The following COL19A1 variants were observed in gnomAD, a reference collection of about 807,000 sequenced individuals.
COL19A1 encodes collagen type XIX alpha 1 chain.
Under a neutral mutation model 190.2 loss-of-function variants are expected in COL19A1, and 159 were observed. That is an observed-to-expected ratio of 0.84 (90% CI 0.73 to 0.95). The LOEUF (loss-of-function observed/expected upper bound fraction) is 0.95. COL19A1 is among the 40% of genes least tolerant of loss of function. COL19A1 has a pLI of 0.00. For synonymous variants in COL19A1, 509 were observed against 458.9 expected (o/e 1.11, Z -1.39); for missense variants, 1,418 against 1,431.9 (o/e 0.99, Z 0.16).
intron 1 of COL19A1, among the ~76,000 whole-genome samples, chr6:69,871,217 A>G (rs755686632): frequency 9.2e-5 from 14 of 152,170 alleles, no homozygotes; most frequent in Non-Finnish European, 1.8e-4. Context: ...GGTTTTCTCT[A>G]ATAGTTTACA....
At chr6:70,010,583 C>G (rs1777937433) in intron 11 of COL19A1, among the ~76,000 whole-genome samples, 1 of 141,318 alleles carries the variant, frequency 7.1e-6, no homozygotes, top group African/African-American at 2.9e-5. Flanking sequence ...CTTTCCGAGT[C>G]AAAGAAAGGG....
At chr6:70,079,014 C>A (rs1413763542) in intron 15 of COL19A1, among the ~76,000 whole-genome samples, 1 of 152,116 alleles carries the variant, frequency 6.6e-6, no homozygotes, top group Non-Finnish European at 1.5e-5. Context: ...CTTCAGTGAG[C>A]CGAGCTCACA....
chr6:69,961,533 G>T (rs1365247077), intron 10 of COL19A1, among the ~76,000 whole-genome samples: 3 of 152,188 alleles, frequency 2.0e-5, no homozygotes, highest in African/African-American at 7.2e-5. Flanking sequence ...CAGCTTCAAT[G>T]TCAGCTTGAA....
chr6:70,192,166 T>C (rs1460181892), intron 48 of COL19A1, among the ~76,000 whole-genome samples: 1 of 152,154 alleles, frequency 6.6e-6, no homozygotes, highest in Non-Finnish European at 1.5e-5. Flanking sequence ...GTTCAAGCGA[T>C]TCTCCTGCCT....
At chr6:70,192,833 A>G (rs1275044095) in intron 48 of COL19A1, among the ~76,000 whole-genome samples, 5 of 152,188 alleles carry the variant, frequency 3.3e-5, no homozygotes, top group East Asian at 1.9e-4. Context: ...AGAATCTCAG[A>G]TAGTATCCAT....
chr6:69,878,700 T>C (rs1474450446), intron 1 of COL19A1, among the ~76,000 whole-genome samples: 1 of 152,194 alleles, frequency 6.6e-6, no homozygotes, highest in African/African-American at 2.4e-5. Context: ...TTACTTCTGA[T>C]TCTATATACC....
At chr6:69,924,805 G>C (rs901626526) in intron 4 of COL19A1, among the ~76,000 whole-genome samples, 6 of 152,138 alleles carry the variant, frequency 3.9e-5, no homozygotes, top group African/African-American at 1.4e-4. Flanking sequence ...GTATCTCATT[G>C]TGGTTTTGAT....
chr6:69,927,541 G>A (rs1421649735), intron 4 of COL19A1, among the ~76,000 whole-genome samples: 1 of 152,116 alleles, frequency 6.6e-6, no homozygotes, highest in Non-Finnish European at 1.5e-5. Context: ...CTTATTACTG[G>A]TGTTCTTTAA....
chr6:70,176,630 G>C lies in COL19A1; in HGVS notation c.2667+66G>C, dbSNP rs572390346. 74 of 1,529,926 alleles carry C rather than the reference G, an allele frequency of 4.8e-5. No homozygotes were observed. The African/African-American group carries it at 8.1e-4, about 17-fold the overall frequency. 94.8% of individuals were successfully genotyped at this position (1,529,926 alleles called of 1,614,324 possible). A position where few individuals can be genotyped will look rare whatever the true frequency, so the allele number is the denominator to read the frequency against. On this transcript the variant is annotated intron_variant, in intron 42 of 50. Transcript: ENST00000620364. Reference sequence around the variant, plus strand: ...GTTCTATCTCCATGATACACCTGTGGCCAGGGATCAAGACAGGCAGGAGAG... The same window carrying C: ...GTTCTATCTCCATGATACACCTGTGCCCAGGGATCAAGACAGGCAGGAGAG...
intron 11 of COL19A1, chr6:69,973,882 A>G (rs149661391): frequency 1.8e-4 from 28 of 152,332 alleles, no homozygotes; most frequent in African/African-American, 6.5e-4. Flanking sequence ...ATGTAAAAGC[A>G]ATTCACTGTA....
intron 4 of COL19A1, among the ~76,000 whole-genome samples, chr6:69,919,780 G>A (rs1047148931): frequency 9.9e-5 from 15 of 151,986 alleles, no homozygotes; most frequent in Non-Finnish European, 8.8e-5. Flanking sequence ...TATTGTCATA[G>A]GTATGTTTTT....
At chr6:70,004,633 T>C (rs748487333) in intron 11 of COL19A1, among the ~76,000 whole-genome samples, 2 of 152,164 alleles carry the variant, frequency 1.3e-5, no homozygotes, top group Non-Finnish European at 2.9e-5. Context: ...GTCTTCAAAC[T>C]CTGAAATCCT....
chr6:70,035,131 G>T (rs192385443), intron 13 of COL19A1, among the ~76,000 whole-genome samples: 1 of 152,160 alleles, frequency 6.6e-6, no homozygotes, highest in Non-Finnish European at 1.5e-5. Context: ...GGTACCCCAC[G>T]CTATACAGTA....
In COL19A1 at chr6:70,143,425, G is replaced by T. The variant is rs141541556; in HGVS notation, c.1626+605G>T. 2.0e-3 allele frequency among the ~76,000 whole-genome samples: 299 copies of T among 152,184 alleles called. 1 individual carries two copies. Among genetic ancestry groups the T allele is most frequent in the African/African-American group, 5.1e-3 (211 of 41,540 alleles). On this transcript the variant is annotated intron_variant, in intron 23 of 50. Coordinates refer to ENST00000620364, the MANE Select transcript of COL19A1 (RefSeq NM_001858.6). ...CCTTCTGACAACTTGGGAGCTGCGAGCTCTCCATCAGTTCACACTTGAGCA... is the reference window on the plus strand; with the variant it reads ...CCTTCTGACAACTTGGGAGCTGCGATCTCTCCATCAGTTCACACTTGAGCA...
chr6:70,193,013 G>C (rs748282742), intron 48 of COL19A1, among the ~76,000 whole-genome samples: 2 of 151,534 alleles, frequency 1.3e-5, no homozygotes, highest in Non-Finnish European at 2.9e-5. Context: ...AGAGGCTTTA[G>C]ATAAAATCAT....
intron 49 of COL19A1, among the ~76,000 whole-genome samples, chr6:70,203,999 T>A (rs1042067533): frequency 3.0e-4 from 45 of 152,256 alleles, no homozygotes; most frequent in Middle Eastern, 3.4e-3. Flanking sequence ...TAGCTGGGAT[T>A]ACAGGTGCCC....
At chr6:69,953,135 A>T (rs1004608949) in intron 9 of COL19A1, among the ~76,000 whole-genome samples, 5 of 152,064 alleles carry the variant, frequency 3.3e-5, no homozygotes. Context: ...AGGAGGAAAA[A>T]AAAAGACAAC....
chr6:70,183,467 G>A (rs548113647), intron 44 of COL19A1, among the ~76,000 whole-genome samples: 11 of 152,110 alleles, frequency 7.2e-5, no homozygotes, highest in South Asian at 2.1e-4. Flanking sequence ...ATAGGGTTAC[G>A]TATTTTCTTA....
At chr6:69,970,413 A>G (rs1582561136) in intron 11 of COL19A1, among the ~76,000 whole-genome samples, 1 of 152,216 alleles carries the variant, frequency 6.6e-6, no homozygotes, top group African/African-American at 2.4e-5. Flanking sequence ...AACACAATAT[A>G]TCAAATAATT....
Sources: allele counts gnomAD v4.1 joint callset (sites outside exome capture counted in the v4.1 genomes callset), GRCh38; gene constraint gnomAD v4.1.1; transcripts MANE v1.5; gene names NCBI Gene and HGNC (gene_info 2026-07-23, HGNC 2026-07-21).